The following TBX4 variants were observed in gnomAD, a reference collection of about 807,000 sequenced individuals.
TBX4 encodes T-box transcription factor TBX4.
Under a neutral mutation model 54.6 loss-of-function variants are expected in TBX4, and 13 were observed. That is an observed-to-expected ratio of 0.24 (90% CI 0.15 to 0.38). The LOEUF is 0.38. TBX4 is among the 10% of genes least tolerant of loss of function. The pLI, the probability that TBX4 is intolerant of heterozygous loss-of-function variation, is 1.00. For missense variants in TBX4, 631 were observed against 728.5 expected (o/e 0.87, Z 1.54); for synonymous variants, 314 against 306.7 (o/e 1.02, Z -0.25).
chr17:61,456,171 AGGGACTC>A (rs1321396473), intron 1 of TBX4, among the ~76,000 whole-genome samples: 2 of 152,148 alleles, frequency 1.3e-5, no homozygotes, highest in Admixed American at 6.5e-5. Flanking sequence ...AGTAGGAGTG[AGGGACTC>A]GGGGTGCAGC....
Position 61,457,435 on chromosome 17 carries a change from G to A in TBX4, c.187-102G>A. Reference sequence around the variant, plus strand: ...ATCTGGAGCCATGGGCTCCGGGCGGGCAGGGTTCCGCACAGCTCTTCGGGT... The same window carrying A: ...ATCTGGAGCCATGGGCTCCGGGCGGACAGGGTTCCGCACAGCTCTTCGGGT... On this transcript the variant is annotated intron_variant, in intron 2 of 8. Transcript: ENST00000644296. The surrounding 1 kb of genome is among the most constrained non-coding windows in gnomAD (Gnocchi z 8.2). 9.5e-7 allele frequency: 1 copy of A among 1,057,176 alleles called. No homozygotes were observed. Among genetic ancestry groups the A allele is most frequent in the Non-Finnish European group, 1.5e-6 (1 of 680,482 alleles). The allele number at this position is 1,057,176 out of a possible 1,614,324, so 65.5% of individuals were successfully genotyped here.
chr17:61,453,916 A>G (rs1487250942), intron 1 of TBX4, among the ~76,000 whole-genome samples: 1 of 152,266 alleles, frequency 6.6e-6, no homozygotes, highest in East Asian at 1.9e-4. Flanking sequence ...GTGACAAAGT[A>G]TAATCAAAAT....
In TBX4 at chr17:61,480,039, T is replaced by C. The variant is rs747457322; in HGVS notation, c.792-51T>C. On this transcript the variant is annotated intron_variant, in intron 7 of 8. Coordinates refer to ENST00000644296, the MANE Select transcript of TBX4 (RefSeq NM_001321120.2). The surrounding 1 kb of genome is among the most constrained non-coding windows in gnomAD (Gnocchi z 6.2). ...GGCACGTGGCCTCTGTGACCCTCGA[T>C]GTATCTTCACTCTCTTCCTGTCTCT... 6.2e-7 allele frequency: 1 copy of C among 1,611,798 alleles called. No individual in the cohort carries two copies. Among genetic ancestry groups the C allele is most frequent in the Non-Finnish European group, 8.5e-7 (1 of 1,177,974 alleles).
chr17:61,478,637 A>T lies in TBX4; in HGVS notation c.560A>T (p.Asn187Ile). The T allele has an allele frequency of 6.2e-7, 1 of 1,614,024 alleles. No homozygotes were observed. Among genetic ancestry groups the T allele is most frequent in the Non-Finnish European group, 8.5e-7 (1 of 1,179,996 alleles). The change falls in exon 6 of 9, where the codon AAC becomes ATC. Residue 187 changes from asparagine to isoleucine, a missense_variant. Around this residue, in one of 3 missense-constraint regions of TBX4, gnomAD observed 154 missense variants for 238.6 expected, o/e 0.65. Transcript: ENST00000644296. The surrounding 1 kb of genome is among the most constrained non-coding windows in gnomAD (Gnocchi z 7.4). ...HLDPFGHIIL[N>I]SMHKYQPRLH... is the part of the protein sequence containing the mutation. The stretch of plus-strand genomic sequence containing the variant: ...ACCCTTCTCTTCCAGATCATCCTCA[A>T]CTCTATGCACAAGTACCAGCCGCGG...
chr17:61,457,635 A>G lies in TBX4; in HGVS notation c.281+4A>G. On this transcript the variant is annotated splice_donor_region_variant and intron_variant, in intron 3 of 8. Transcript: ENST00000644296. This position sits in a 1 kb window ranked among gnomAD's most constrained non-coding sequence, Gnocchi z 8.2. ...TGATCATCACTAAGGCTGGCAGGTC[A>G]GCGCTGGGAGATTTACTTCCGGGGA... 1 of 1,613,498 alleles carries G rather than the reference A, an allele frequency of 6.2e-7. No individual in the cohort carries two copies.
At position 61,460,579 on chromosome 17, in the gene TBX4, C is replaced by G. The variant is rs1207080867; in HGVS notation, c.281+2948C>G. ...AAATGGGGGCCACAGCCCTCCGCAG[C>G]CCGTCTCAGTCTCTTGGGTCTCTGT... is the stretch of plus-strand genomic sequence containing the variant. On this transcript the variant is annotated intron_variant, in intron 3 of 8. Coordinates refer to ENST00000644296, the MANE Select transcript of TBX4 (RefSeq NM_001321120.2). The surrounding 1 kb of genome is among the most constrained non-coding windows in gnomAD (Gnocchi z 4.4). Among the ~76,000 whole-genome samples the G allele has an allele frequency of 6.6e-6, 1 of 152,144 alleles. No individual in the cohort carries two copies. The highest frequency in any genetic ancestry group is 1.9e-4 in the East Asian group (1 of 5,194).
rs2060638187 is a variant in TBX4 at position 61,478,460 on chromosome 17, CAG to C, written c.550-166_550-165del. ...GCTGGGGTGGGGAGAGTTTGGGGCC[CAG>C]GGGCCTGGTTCTTCACTTGGGAGCT... On this transcript the variant is annotated intron_variant, in intron 5 of 8. Coordinates refer to ENST00000644296, the MANE Select transcript of TBX4 (RefSeq NM_001321120.2). This position sits in a 1 kb window ranked among gnomAD's most constrained non-coding sequence, Gnocchi z 7.4. The C allele has an allele frequency of 5.8e-6, 5 of 868,946 alleles. No homozygotes were observed. The highest frequency in any genetic ancestry group is 9.0e-6 in the Non-Finnish European group (5 of 552,584). 53.8% of individuals were successfully genotyped at this position (868,946 alleles called of 1,614,324 possible). A position where few individuals can be genotyped will look rare whatever the true frequency, so the allele number is the denominator to read the frequency against.
At position 61,464,984 on chromosome 17, in the gene TBX4, G is replaced by A. The variant is rs547011800; in HGVS notation, c.282-835G>A. ...GCAGCAGGGGTCCGTGGTAATTCAC[G>A]CAGCAATCTATGAGATAGGTGGTAA... On this transcript the variant is annotated intron_variant, in intron 3 of 8. Coordinates refer to ENST00000644296, the MANE Select transcript of TBX4 (RefSeq NM_001321120.2). This position sits in a 1 kb window ranked among gnomAD's most constrained non-coding sequence, Gnocchi z 5.8. 3.3e-5 allele frequency among the ~76,000 whole-genome samples: 5 copies of A among 152,256 alleles called. No individual in the cohort carries two copies. The South Asian group carries it at 8.3e-4, about 25-fold the overall frequency.
At position 61,457,869 on chromosome 17, in the gene TBX4, A is replaced by T. The variant is rs989355403; in HGVS notation, c.281+238A>T. 2.6e-5 allele frequency among the ~76,000 whole-genome samples: 4 copies of T among 152,184 alleles called. No individual in the cohort carries two copies. The highest frequency in any genetic ancestry group is 2.6e-4 in the Admixed American group (4 of 15,288). ...CGAGGGGAGGGGCAGCGCTATGCAA[A>T]TGAATCCAAACAGGGATCGCGACGC... is the stretch of plus-strand genomic sequence containing the variant. On this transcript the variant is annotated intron_variant, in intron 3 of 8. Transcript: ENST00000644296. This position sits in a 1 kb window ranked among gnomAD's most constrained non-coding sequence, Gnocchi z 8.2.
chr17:61,480,723 C>A lies in TBX4; in HGVS notation c.1021+404C>A, dbSNP rs2060658014. Among the ~76,000 whole-genome samples, 1 of 152,166 alleles carries A rather than the reference C, an allele frequency of 6.6e-6. No homozygotes were observed. Among genetic ancestry groups the A allele is most frequent in the Non-Finnish European group, 1.5e-5 (1 of 68,030 alleles). The stretch of plus-strand genomic sequence containing the variant: ...GTTGTTTGTCAAAGCAACCTCAATT[C>A]CAGAACAGGGAGGACTTGGTGTCTC... On this transcript the variant is annotated intron_variant, in intron 8 of 8. Coordinates refer to ENST00000644296, the MANE Select transcript of TBX4 (RefSeq NM_001321120.2). This position sits in a 1 kb window ranked among gnomAD's most constrained non-coding sequence, Gnocchi z 6.2.
chr17:61,481,386 C>A lies in TBX4; in HGVS notation c.1021+1067C>A, dbSNP rs75948668. ...TTTCGTAGTTGCAACAGATACCCTG[C>A]GGCCCACAAAGCCTAAGATATTTAC... On this transcript the variant is annotated intron_variant, in intron 8 of 8. Coordinates refer to ENST00000644296, the MANE Select transcript of TBX4 (RefSeq NM_001321120.2). This position sits in a 1 kb window ranked among gnomAD's most constrained non-coding sequence, Gnocchi z 4.8. 1.3e-5 allele frequency: 2 copies of A among 152,224 alleles called. No homozygotes were observed. Among genetic ancestry groups the A allele is most frequent in the Admixed American group, 6.5e-5 (1 of 15,286 alleles). 9.4% of individuals were successfully genotyped at this position (152,224 alleles called of 1,614,324 possible).
Position 61,479,766 on chromosome 17 carries a change from G to A in TBX4, c.703-115G>A. Reference sequence around the variant, plus strand: ...GAGGGTAGTGAGAAGCGGTGAGGCTGGAGAGCGACCCCTGAGGGAGGGAGG... The same window carrying A: ...GAGGGTAGTGAGAAGCGGTGAGGCTAGAGAGCGACCCCTGAGGGAGGGAGG... On this transcript the variant is annotated intron_variant, in intron 6 of 8. Transcript: ENST00000644296. This position sits in a 1 kb window ranked among gnomAD's most constrained non-coding sequence, Gnocchi z 6.1. The A allele has an allele frequency of 9.0e-7, 1 of 1,112,006 alleles. No individual in the cohort carries two copies. Among genetic ancestry groups the A allele is most frequent in the Non-Finnish European group, 1.4e-6 (1 of 728,838 alleles). 68.9% of individuals were successfully genotyped at this position (1,112,006 alleles called of 1,614,324 possible). A position where few individuals can be genotyped will look rare whatever the true frequency, so the allele number is the denominator to read the frequency against.
intron 3 of TBX4, chr17:61,463,036 G>C (rs1210671124): frequency 6.6e-6 from 1 of 152,402 alleles, no homozygotes; most frequent in Non-Finnish European, 1.5e-5. Flanking sequence ...GGGGACAGAG[G>C]GGGCCTCACT....
At position 61,472,189 on chromosome 17, in the gene TBX4, A is replaced by C. The variant is rs1273036808; in HGVS notation, c.549+4532A>C. On this transcript the variant is annotated intron_variant, in intron 5 of 8. Transcript: ENST00000644296. This position sits in a 1 kb window ranked among gnomAD's most constrained non-coding sequence, Gnocchi z 4.5. ...TTATGCTGTGCCAAGTATATCTGTG[A>C]GATAAATGGCCTGTTCAAAGGGTAC... Among the ~76,000 whole-genome samples the C allele has an allele frequency of 1.3e-5, 2 of 152,158 alleles. No homozygotes were observed. The highest frequency in any genetic ancestry group is 4.8e-5 in the African/African-American group (2 of 41,436).
intron 5 of TBX4, among the ~76,000 whole-genome samples, chr17:61,469,088 T>C: frequency 6.6e-6 from 1 of 152,052 alleles, no homozygotes; most frequent in South Asian, 2.1e-4. Flanking sequence ...TCCCTAGAGA[T>C]CCAAACCTGG....
At position 61,474,086 on chromosome 17, in the gene TBX4, A is replaced by G. The variant is rs960152374; in HGVS notation, c.550-4541A>G. 5.3e-5 allele frequency among the ~76,000 whole-genome samples: 8 copies of G among 152,184 alleles called. No individual in the cohort carries two copies. Among genetic ancestry groups the G allele is most frequent in the African/African-American group, 1.7e-4 (7 of 41,444 alleles). On this transcript the variant is annotated intron_variant, in intron 5 of 8. Transcript: ENST00000644296. The surrounding 1 kb of genome is among the most constrained non-coding windows in gnomAD (Gnocchi z 4.6). ...TTCCTTCTTTGGTGTTTAAGCTGAG[A>G]TCCTGTCACTGTCCTAACCTCTTTG...
At position 61,475,823 on chromosome 17, in the gene TBX4, C is replaced by T. The variant is rs991004949; in HGVS notation, c.550-2804C>T. 1.8e-4 allele frequency among the ~76,000 whole-genome samples: 28 copies of T among 152,164 alleles called. No individual in the cohort carries two copies. Among genetic ancestry groups the T allele is most frequent in the African/African-American group, 6.0e-4 (25 of 41,432 alleles). ...CGGTCTTTGTTCTCCCTTTGCGCTGCCACCTTTGGAGAGCTAGAGTGACTG... is the reference window on the plus strand; with the variant it reads ...CGGTCTTTGTTCTCCCTTTGCGCTGTCACCTTTGGAGAGCTAGAGTGACTG... On this transcript the variant is annotated intron_variant, in intron 5 of 8. Transcript: ENST00000644296. This position sits in a 1 kb window ranked among gnomAD's most constrained non-coding sequence, Gnocchi z 5.0.
rs1438662327 is a variant in TBX4 at position 61,475,553 on chromosome 17, G to C, written c.550-3074G>C. On this transcript the variant is annotated intron_variant, in intron 5 of 8. Coordinates refer to ENST00000644296, the MANE Select transcript of TBX4 (RefSeq NM_001321120.2). This position sits in a 1 kb window ranked among gnomAD's most constrained non-coding sequence, Gnocchi z 5.0. ...GGCCTGAAGCAGGGGTGTGCAAAAG[G>C]AATGGAGGGGCTTTTGTTTTATAGA... Among the ~76,000 whole-genome samples, 1 of 152,188 alleles carries C rather than the reference G, an allele frequency of 6.6e-6. No individual in the cohort carries two copies. Among genetic ancestry groups the C allele is most frequent in the Non-Finnish European group, 1.5e-5 (1 of 68,032 alleles).
intron 5 of TBX4, among the ~76,000 whole-genome samples, chr17:61,473,623 A>G (rs1433553790): frequency 6.6e-6 from 1 of 152,178 alleles, no homozygotes; most frequent in Non-Finnish European, 1.5e-5. Flanking sequence ...CTCCCCAGCC[A>G]GGTTAAGGTA....
Sources: gnomAD v4.1 joint callset for allele counts (sites outside exome capture counted in the v4.1 genomes callset) on GRCh38, gnomAD v4.1.1 for gene constraint, gnomAD v4.1.1 regional missense constraint, Gnocchi (gnomAD v3.1) non-coding constraint, MANE v1.5 for transcripts, NCBI Gene and HGNC (gene_info 2026-07-23, HGNC 2026-07-21) for gene names.